Variants in CFI observed in about 807,000 individuals in gnomAD.
CFI encodes complement factor I, also known as C3B/C4B inactivator.
A neutral mutation model predicts 78.8 loss-of-function variants in CFI; 66 were observed. The ratio of observed to expected loss-of-function variants is 0.84; its 90% CI spans 0.69 to 1.03. The LOEUF (loss-of-function observed/expected upper bound fraction) is 1.03, where lower values mean the gene tolerates loss of function less well. Among genes scored for constraint, CFI ranks in the 50% least tolerant of loss-of-function variants. The pLI, the probability that CFI is intolerant of heterozygous loss-of-function variation, is 0.00. For synonymous variants in CFI, 250 were observed against 232.6 expected (o/e 1.07, Z -0.68); for missense variants, 706 against 704.5 (o/e 1.00, Z -0.02).
downstream of CFI, among the ~76,000 whole-genome samples, chr4:109,736,832 C>CCT (rs1723399991): frequency 1.3e-5 from 2 of 152,134 alleles, no homozygotes; most frequent in Non-Finnish European, 2.9e-5. Flanking sequence ...TGTACACCTT[C>CCT]ACTGGGCTTC....
intron 7 of CFI, among the ~76,000 whole-genome samples, chr4:109,753,048 TTATATATTTA>T (rs547836310): frequency 0.11 from 2,452 of 23,292 alleles, 134 homozygotes; most frequent in African/African-American, 0.18. Context: ...TATATATTTA[TTATATATTTA>T]TATATAAATA....
chr4:109,783,066 A>G (rs544996892), intron 1 of CFI, among the ~76,000 whole-genome samples: 36 of 152,316 alleles, frequency 2.4e-4, no homozygotes, highest in African/African-American at 6.3e-4. Flanking sequence ...ACCTGAAAGT[A>G]TAAAAATTCT....
chr4:109,760,314 C>T lies in CFI; in HGVS notation c.839G>A (p.Gly280Asp). 2 of 1,614,164 alleles carry T rather than the reference C, an allele frequency of 1.2e-6. No homozygotes were observed. The highest frequency in any genetic ancestry group is 1.7e-6 in the Non-Finnish European group (2 of 1,179,998). Residue 280 changes from glycine to aspartate, a missense_variant, in exon 6 of 13, where the codon GGT (glycine) becomes GAT (aspartate). By Grantham distance (94) the Gly-to-Asp change is moderately conservative. Transcript: ENST00000394634. ...VCIPSQYQCN[G>D]EVDCITGEDE... The stretch of plus-strand genomic sequence containing the variant: ...TTCCCCTGTAATGCAGTCCACCTCA[C>T]CATTGCATTGATACTGGCTTGGAAT...
intron 3 of CFI, chr4:109,762,044 A>G (rs1327334520): frequency 3.4e-6 from 1 of 298,304 alleles, no homozygotes; most frequent in South Asian, 3.3e-5. Context: ...TACAAAAATT[A>G]GCTGGGTGTG....
At chr4:109,746,868 G>A (rs1312605284) in intron 10 of CFI, among the ~76,000 whole-genome samples, 2 of 152,154 alleles carry the variant, frequency 1.3e-5, no homozygotes, top group African/African-American at 4.8e-5. Context: ...AGGAACTAGG[G>A]AGTTGGACCA....
At chr4:109,733,787 C>T in the CFI span, among the ~76,000 whole-genome samples, 31 of 152,206 alleles carry the variant, frequency 2.0e-4, no homozygotes, top group Admixed American at 2.0e-3. Flanking sequence ...TCAGTCATAC[C>T]ATATCCAAGA....
chr4:109,736,292 G>A (rs1425859566), downstream of CFI, among the ~76,000 whole-genome samples: 2 of 152,188 alleles, frequency 1.3e-5, no homozygotes, highest in African/African-American at 2.4e-5. Context: ...GGCCTTGCCT[G>A]CTACTGCCTT....
At chr4:109,736,896 C>T (rs1723403787), downstream of CFI, among the ~76,000 whole-genome samples, 1 of 152,100 alleles carries the variant, frequency 6.6e-6, no homozygotes, top group Non-Finnish European at 1.5e-5. Flanking sequence ...GATTCCATTC[C>T]TCTACTTCCT....
chr4:109,737,145 C>T (rs1404867930), downstream of CFI, among the ~76,000 whole-genome samples: 1 of 152,082 alleles, frequency 6.6e-6, no homozygotes, highest in Non-Finnish European at 1.5e-5. Context: ...CCTCTCTCAC[C>T]CACTTCCAAT....
intron 1 of CFI, among the ~76,000 whole-genome samples, chr4:109,771,569 C>T (rs1299128635): frequency 2.0e-5 from 3 of 150,142 alleles, no homozygotes; most frequent in Non-Finnish European, 4.4e-5. Context: ...AAAAAATTAG[C>T]CGGGCGTAGT....
At chr4:109,797,499 C>T (rs948284295) in intron 1 of CFI, among the ~76,000 whole-genome samples, 1 of 152,148 alleles carries the variant, frequency 6.6e-6, no homozygotes, top group Non-Finnish European at 1.5e-5. Flanking sequence ...TGATAAGCTT[C>T]TTGACATTAG....
At chr4:109,797,413 A>G (rs912505379) in intron 1 of CFI, among the ~76,000 whole-genome samples, 1 of 152,208 alleles carries the variant, frequency 6.6e-6, no homozygotes, top group Non-Finnish European at 1.5e-5. Context: ...TACCCCATAC[A>G]CACAAATCAA....
At chr4:109,796,362 T>A (rs1732058987) in intron 1 of CFI, among the ~76,000 whole-genome samples, 1 of 152,156 alleles carries the variant, frequency 6.6e-6, no homozygotes, top group African/African-American at 2.4e-5. Flanking sequence ...ATCACCTGCC[T>A]TACAAGAAAT....
intron 1 of CFI, among the ~76,000 whole-genome samples, chr4:109,786,599 A>C (rs940587522): frequency 6.6e-6 from 1 of 152,142 alleles, no homozygotes; most frequent in African/African-American, 2.4e-5. Context: ...ATCAGTTATG[A>C]TTAAAGCAAG....
rs1038422430 is a variant in CFI at position 109,749,125 on chromosome 4, C to A, written c.1148+93G>T. ...ATTAATATAGTGGAGTTTGTCAGTA[C>A]CTTTTTCAGATATGCTTTATCATCT... On this transcript the variant is annotated intron_variant, in intron 10 of 12. Coordinates refer to ENST00000394634, the MANE Select transcript of CFI (RefSeq NM_000204.5). The A allele has an allele frequency of 4.4e-5, 50 of 1,137,262 alleles. 1 individual carries two copies. Among genetic ancestry groups the A allele is most frequent in the Middle Eastern group, 3.9e-4 (2 of 5,162 alleles). 70.4% of individuals were successfully genotyped at this position (1,137,262 alleles called of 1,614,324 possible).
chr4:109,738,734 A>G (rs1177259595), downstream of CFI, among the ~76,000 whole-genome samples: 4 of 152,184 alleles, frequency 2.6e-5, no homozygotes, highest in Non-Finnish European at 4.4e-5. Flanking sequence ...GCAGAGAGAC[A>G]TATCTGAGAA....
At chr4:109,768,334 T>TA (rs756365540) in intron 1 of CFI, among the ~76,000 whole-genome samples, 4,068 of 63,096 alleles carry the variant, frequency 0.064, 146 homozygotes, top group Non-Finnish European at 0.075. Flanking sequence ...GAAGAAATCC[T>TA]AAAAAAAAAA....
chr4:109,777,990 G>T (rs1239082100), intron 1 of CFI, among the ~76,000 whole-genome samples: 1 of 152,160 alleles, frequency 6.6e-6, no homozygotes, highest in Non-Finnish European at 1.5e-5. Context: ...GCAGTGTGTA[G>T]AGCGAAATTT....
rs568070697 is a variant in CFI, at chr4:109,749,490, C to A, written c.1044+9G>T. On this transcript the variant is annotated intron_variant, in intron 9 of 12. Coordinates refer to ENST00000394634, the MANE Select transcript of CFI (RefSeq NM_000204.5). ...GGCAGTTGCATTGTGACTTTTCATG[C>A]GACTTTACCAGTTGTGCTCGCTTTC... The A allele has an allele frequency of 5.5e-5, 89 of 1,607,004 alleles. No homozygotes were observed. Among genetic ancestry groups the A allele is most frequent in the Non-Finnish European group, 7.1e-5 (83 of 1,173,658 alleles).
Sources: allele counts gnomAD v4.1 joint callset (sites outside exome capture counted in the v4.1 genomes callset), GRCh38; gene constraint gnomAD v4.1.1; transcripts MANE v1.5; gene names NCBI Gene and HGNC (gene_info 2026-07-23, HGNC 2026-07-21).